The following PRELID2 variants were observed in gnomAD, a reference collection of about 807,000 sequenced individuals.
PRELID2 encodes the protein PRELI domain-containing protein 2.
A neutral mutation model predicts 28.4 loss-of-function variants in PRELID2; 25 were observed. The ratio of observed to expected loss-of-function variants is 0.88; its 90% CI spans 0.64 to 1.23. The LOEUF is 1.23. Ranked by LOEUF, PRELID2 falls within the 50% of genes most tolerant of loss-of-function variation. The probability of loss-of-function intolerance (pLI) is 0.00; values close to 1 mark genes in which losing one functional copy is unlikely to be tolerated. For synonymous variants in PRELID2, 76 were observed against 71.6 expected, an observed-to-expected ratio of 1.06 and a Z score of -0.31; for missense variants, 201 against 214.4, an observed-to-expected ratio of 0.94 and a Z score of 0.39.
At chr5:145,500,822 A>ACTG (rs960837855) in intron 1 of PRELID2, among the ~76,000 whole-genome samples, 2 of 152,112 alleles carry the variant, frequency 1.3e-5, no homozygotes, top group Non-Finnish European at 2.9e-5. Flanking sequence ...GACTAATTTC[A>ACTG]CTGCTGCTGC....
chr5:145,319,025 C>G, the PRELID2 span, among the ~76,000 whole-genome samples: 1 of 152,172 alleles, frequency 6.6e-6, no homozygotes, highest in African/African-American at 2.4e-5. Context: ...CCAAACTCCT[C>G]AACATTCAGA....
At chr5:145,723,994 T>C (rs1756060682) in intron 1 of PRELID2, among the ~76,000 whole-genome samples, 1 of 152,172 alleles carries the variant, frequency 6.6e-6, no homozygotes, top group Non-Finnish European at 1.5e-5. Context: ...ATACACACAA[T>C]GGAATGCTAT....
the PRELID2 span, among the ~76,000 whole-genome samples, chr5:145,249,153 G>A: frequency 5.7e-4 from 87 of 152,206 alleles, no homozygotes; most frequent in African/African-American, 2.0e-3. Flanking sequence ...ATTTGCTGAA[G>A]AATAGAGAAA....
At chr5:145,338,959 C>G in the PRELID2 span, among the ~76,000 whole-genome samples, 2 of 152,132 alleles carry the variant, frequency 1.3e-5, no homozygotes, top group Admixed American at 1.3e-4. Flanking sequence ...TAATTTTAGT[C>G]ATAATTATCT....
chr5:145,413,958 A>T, the PRELID2 span, among the ~76,000 whole-genome samples: 1 of 152,178 alleles, frequency 6.6e-6, no homozygotes, highest in Non-Finnish European at 1.5e-5. Context: ...TTGGTTCCAC[A>T]TCTTAGCTAT....
the PRELID2 span, among the ~76,000 whole-genome samples, chr5:145,328,178 C>CT: frequency 1.3e-5 from 2 of 152,180 alleles, no homozygotes; most frequent in Admixed American, 6.5e-5. Flanking sequence ...TTTATCCAGT[C>CT]TATCGTTGAT....
Position 145,796,348 on chromosome 5 carries a change from C to T in PRELID2, c.474+94G>A, listed in dbSNP as rs189576502. On this transcript the variant is annotated intron_variant, in intron 5 of 6. Transcript: ENST00000683046. ...TTGTTTATTAACTATATGTTTTTCT[C>T]ATTATGTCTGCTCATGAGTCTTATT... is the stretch of plus-strand genomic sequence containing the variant. 1.7e-4 allele frequency: 114 copies of T among 652,116 alleles called. No homozygotes were observed. In the African/African-American group the frequency reaches 1.9e-3, roughly 11 times the overall value. 40.4% of individuals were successfully genotyped at this position (652,116 alleles called of 1,614,324 possible).
chr5:145,310,665 C>A, the PRELID2 span, among the ~76,000 whole-genome samples: 1 of 152,188 alleles, frequency 6.6e-6, no homozygotes, highest in African/African-American at 2.4e-5. Flanking sequence ...AAGGTTAATT[C>A]ATCTTGATCT....
chr5:145,804,866 G>T (rs192536865), intron 4 of PRELID2, among the ~76,000 whole-genome samples: 2 of 152,270 alleles, frequency 1.3e-5, no homozygotes, highest in African/African-American at 4.8e-5. Context: ...TTGTAAACTA[G>T]CTTAGGTGGA....
At chr5:145,419,486 A>G in the PRELID2 span, among the ~76,000 whole-genome samples, 7 of 124,352 alleles carry the variant, frequency 5.6e-5, no homozygotes, top group Admixed American at 2.6e-4. Context: ...GCCAGTGATG[A>G]TGAGCATTTT....
At chr5:145,691,325 C>T (rs1489538475) in intron 1 of PRELID2, among the ~76,000 whole-genome samples, 1 of 152,140 alleles carries the variant, frequency 6.6e-6, no homozygotes, top group African/African-American at 2.4e-5. Flanking sequence ...GGAATATATA[C>T]ACTTAAAGGA....
chr5:145,666,513 C>T (rs1356597045), intron 1 of PRELID2, among the ~76,000 whole-genome samples: 1 of 152,028 alleles, frequency 6.6e-6, no homozygotes, highest in Non-Finnish European at 1.5e-5. Context: ...TGTACATACA[C>T]ACAAAATGGT....
At chr5:145,294,151 C>A in the PRELID2 span, among the ~76,000 whole-genome samples, 66 of 152,260 alleles carry the variant, frequency 4.3e-4, no homozygotes, top group African/African-American at 1.5e-3. Context: ...GTTTTCTGGG[C>A]AACTAGTGAC....
intron 1 of PRELID2, among the ~76,000 whole-genome samples, chr5:145,721,087 G>C (rs1465355145): frequency 4.6e-5 from 7 of 151,782 alleles, no homozygotes; most frequent in Admixed American, 4.6e-4. Context: ...TCACATTTTT[G>C]CAAATCCCTT....
chr5:145,792,954 G>C (rs1460955262), intron 5 of PRELID2, among the ~76,000 whole-genome samples: 2 of 152,126 alleles, frequency 1.3e-5, no homozygotes, highest in Non-Finnish European at 2.9e-5. Flanking sequence ...ATTTGTGCTG[G>C]GTCACAAAGG....
chr5:145,318,982 C>T, the PRELID2 span, among the ~76,000 whole-genome samples: 1 of 152,120 alleles, frequency 6.6e-6, no homozygotes, highest in Admixed American at 6.5e-5. Context: ...GTTTGGCGGT[C>T]CCACAGCCGA....
At chr5:145,528,575 A>G (rs1471085374) in intron 1 of PRELID2, among the ~76,000 whole-genome samples, 1 of 151,864 alleles carries the variant, frequency 6.6e-6, no homozygotes, top group African/African-American at 2.4e-5. Context: ...ATCACAGTGA[A>G]AGGGATTCTA....
At chr5:145,756,174 G>C (rs545931111), downstream of PRELID2, among the ~76,000 whole-genome samples, 5 of 152,268 alleles carry the variant, frequency 3.3e-5, no homozygotes, top group South Asian at 1.0e-3. Context: ...ATTTCTGGAA[G>C]AAACTCTAAT....
chr5:145,282,168 G>A, the PRELID2 span, among the ~76,000 whole-genome samples: 2 of 152,186 alleles, frequency 1.3e-5, no homozygotes, highest in African/African-American at 4.8e-5. Flanking sequence ...AACTATTGGT[G>A]TTGTTAATAA....
Sources: allele counts gnomAD v4.1 joint callset (sites outside exome capture counted in the v4.1 genomes callset), GRCh38; gene constraint gnomAD v4.1.1; transcripts MANE v1.5; gene names NCBI Gene and HGNC (gene_info 2026-07-23, HGNC 2026-07-21).